The following ADK variants were observed in gnomAD, a reference collection of about 807,000 sequenced individuals.
ADK encodes N6,N6-dimethyladenosine kinase.
A neutral mutation model predicts 44.7 loss-of-function variants in ADK; 24 were observed. The observed-to-expected ratio is 0.54, with a 90% confidence interval of 0.39 to 0.76. The LOEUF (loss-of-function observed/expected upper bound fraction) is 0.76, where lower values mean the gene tolerates loss of function less well. Among genes scored for constraint, ADK ranks in the 30% least tolerant of loss-of-function variants. The probability of loss-of-function intolerance (pLI) is 0.00; values close to 1 mark genes in which losing one functional copy is unlikely to be tolerated. For missense variants in ADK, 321 were observed against 425.1 expected, an observed-to-expected ratio of 0.76 and a Z score of 2.15; for synonymous variants, 128 against 142.6, an observed-to-expected ratio of 0.90 and a Z score of 0.73.
intron 4 of ADK, among the ~76,000 whole-genome samples, chr10:74,316,066 C>T (rs1363008487): frequency 2.6e-5 from 4 of 151,868 alleles, no homozygotes; most frequent in Admixed American, 6.6e-5. Context: ...GGTGAAACCC[C>T]GTCTCTCCTA....
At chr10:74,462,372 G>GGAAATTTTCT (rs1446451892) in intron 6 of ADK, among the ~76,000 whole-genome samples, 1 of 151,918 alleles carries the variant, frequency 6.6e-6, no homozygotes, top group Non-Finnish European at 1.5e-5. Flanking sequence ...GTATATTTTA[G>GGAAATTTTCT]GAAATTTTCT....
At chr10:74,578,468 A>G (rs894101953) in intron 7 of ADK, among the ~76,000 whole-genome samples, 7 of 152,154 alleles carry the variant, frequency 4.6e-5, no homozygotes, top group Admixed American at 3.9e-4. Flanking sequence ...TCCAAGTAGT[A>G]TGGTCTCTGT....
intron 7 of ADK, among the ~76,000 whole-genome samples, chr10:74,561,363 TG>T (rs990452533): frequency 2.6e-5 from 4 of 152,248 alleles, no homozygotes; most frequent in Admixed American, 2.6e-4. Context: ...TAAGATTCTT[TG>T]TTCATTTGTT....
rs190163025 is a variant in ADK at position 74,517,096 on chromosome 10, C to T, written c.556-8160C>T. 4.6e-5 allele frequency among the ~76,000 whole-genome samples: 7 copies of T among 152,220 alleles called. No individual in the cohort carries two copies. In the East Asian group the frequency reaches 1.4e-3, roughly 30 times the overall value. ...TATCTCCCACCAGTCTCTCCCACAA[C>T]ACGTGGGAGCACAATTAAAGATGAG... On this transcript the variant is annotated intron_variant, in intron 6 of 10. Transcript: ENST00000539909.
At chr10:74,460,001 A>G (rs1176890548) in intron 6 of ADK, among the ~76,000 whole-genome samples, 3 of 152,064 alleles carry the variant, frequency 2.0e-5, no homozygotes, top group Admixed American at 6.6e-5. Context: ...TTATACTCAC[A>G]CTTTAAGAAG....
At chr10:74,507,530 G>T (rs570478096) in intron 6 of ADK, among the ~76,000 whole-genome samples, 26 of 151,908 alleles carry the variant, frequency 1.7e-4, no homozygotes, top group Non-Finnish European at 3.1e-4. Context: ...TGGGAGAATC[G>T]CTTGAGCCCA....
chr10:74,538,943 G>A (rs1849541377), intron 7 of ADK, among the ~76,000 whole-genome samples: 1 of 152,080 alleles, frequency 6.6e-6, no homozygotes, highest in Non-Finnish European at 1.5e-5. Context: ...TAAAAAATCT[G>A]TGTGAATCTA....
At chr10:74,621,594 A>G (rs527243720) in intron 9 of ADK, among the ~76,000 whole-genome samples, 1 of 152,030 alleles carries the variant, frequency 6.6e-6, no homozygotes, top group South Asian at 2.1e-4. Flanking sequence ...TATTTTTTCT[A>G]TTTCTGTGAA....
intron 6 of ADK, among the ~76,000 whole-genome samples, chr10:74,438,679 A>G (rs771974929): frequency 6.6e-6 from 1 of 152,054 alleles, no homozygotes; most frequent in Admixed American, 6.6e-5. Flanking sequence ...AAATTCATTG[A>G]TGGTGTTCTC....
At chr10:74,511,579 CT>C (rs1417820256) in intron 6 of ADK, among the ~76,000 whole-genome samples, 1 of 152,026 alleles carries the variant, frequency 6.6e-6, no homozygotes, top group African/African-American at 2.4e-5. Context: ...ATGAGGTTGC[CT>C]TTTTGAATTC....
chr10:74,564,082 C>T (rs2133826434), intron 7 of ADK, among the ~76,000 whole-genome samples: 1 of 149,086 alleles, frequency 6.7e-6, no homozygotes, highest in Admixed American at 6.7e-5. Flanking sequence ...TGTGATGTTC[C>T]CCTTCCTGTG....
At chr10:74,174,308 C>A (rs1591806931) in intron 1 of ADK, 1 of 101,484 alleles carries the variant, frequency 9.9e-6, no homozygotes, top group East Asian at 3.1e-4. Context: ...ACTGAGACTC[C>A]ATCTCAAAAA....
chr10:74,431,024 G>A (rs182481444), intron 6 of ADK, among the ~76,000 whole-genome samples: 183 of 124,390 alleles, frequency 1.5e-3, no homozygotes, highest in Non-Finnish European at 2.4e-3. Context: ...CCGAGATCCC[G>A]CCACTGCACT....
At chr10:74,297,577 C>A (rs995175089) in intron 3 of ADK, among the ~76,000 whole-genome samples, 1 of 152,096 alleles carries the variant, frequency 6.6e-6, no homozygotes, top group African/African-American at 2.4e-5. Context: ...GAACTGAGCC[C>A]AAGTGAATAA....
intron 3 of ADK, among the ~76,000 whole-genome samples, chr10:74,280,768 T>C (rs1446804564): frequency 1.3e-5 from 2 of 152,222 alleles, no homozygotes; most frequent in Non-Finnish European, 1.5e-5. Flanking sequence ...ACCATTATTT[T>C]TTTGTTTTTC....
chr10:74,246,874 A>AT (rs1477933191), intron 3 of ADK, among the ~76,000 whole-genome samples: 4 of 152,042 alleles, frequency 2.6e-5, no homozygotes, highest in South Asian at 2.1e-4. Flanking sequence ...TGTCACTAAG[A>AT]TGTTTTTTAG....
chr10:74,656,835 G>A (rs1207194968), intron 9 of ADK, among the ~76,000 whole-genome samples: 1 of 152,154 alleles, frequency 6.6e-6, no homozygotes, highest in Non-Finnish European at 1.5e-5. Flanking sequence ...AGTCCCACAT[G>A]AGAGCGTTCT....
intron 2 of ADK, among the ~76,000 whole-genome samples, chr10:74,216,312 A>T (rs933707916): frequency 1.3e-5 from 2 of 152,226 alleles, no homozygotes; most frequent in African/African-American, 2.4e-5. Flanking sequence ...ACACGGTAAA[A>T]TAACAAATGT....
intron 7 of ADK, among the ~76,000 whole-genome samples, chr10:74,579,748 AGGGC>A (rs1851314568): frequency 6.6e-6 from 1 of 152,218 alleles, no homozygotes; most frequent in Non-Finnish European, 1.5e-5. Flanking sequence ...ATATCTGCAG[AGGGC>A]TCCCCTTGAT....
Sources: gnomAD v4.1 joint callset for allele counts (sites outside exome capture counted in the v4.1 genomes callset) on GRCh38, gnomAD v4.1.1 for gene constraint, MANE v1.5 for transcripts, NCBI Gene and HGNC (gene_info 2026-07-23, HGNC 2026-07-21) for gene names.